ZNF385C: variants seen among roughly 807,000 people sequenced by gnomAD.
The protein encoded by ZNF385C is CTD-2132N18.2.
ZNF385C carries 28 observed loss-of-function variants against 35.4 expected under a neutral mutation model. The observed-to-expected ratio is 0.79, with a 90% confidence interval of 0.59 to 1.08. The LOEUF is 1.08. Ranked by LOEUF, ZNF385C falls within the 50% of genes least tolerant of loss-of-function variation. The pLI, the probability that ZNF385C is intolerant of heterozygous loss-of-function variation, is 0.00. For synonymous variants in ZNF385C, 248 were observed against 248.2 expected (o/e 1.00, Z 0.01); for missense variants, 605 against 595.6 (o/e 1.02, Z -0.16).
At chr17:42,075,614 C>G (rs1299914499) in intron 1 of ZNF385C, among the ~76,000 whole-genome samples, 1 of 151,842 alleles carries the variant, frequency 6.6e-6, no homozygotes, top group African/African-American at 2.4e-5. Context: ...CCTGCCTCAG[C>G]CTCCCCAGTA....
intron 2 of ZNF385C, chr17:42,043,316 G>A (rs1405898185): frequency 4.9e-6 from 6 of 1,232,082 alleles, no homozygotes; most frequent in Middle Eastern, 3.1e-4. Context: ...TTGAAGTAAC[G>A]CTTACACTTC....
chr17:42,090,758 T>C (rs543985657), intron 1 of ZNF385C, among the ~76,000 whole-genome samples: 2 of 152,242 alleles, frequency 1.3e-5, no homozygotes, highest in South Asian at 4.1e-4. Flanking sequence ...GGTGGGCACC[T>C]GTAGTCCCAG....
intron 1 of ZNF385C, among the ~76,000 whole-genome samples, chr17:42,091,401 G>A (rs1327633700): frequency 5.3e-5 from 8 of 151,888 alleles, no homozygotes; most frequent in African/African-American, 1.9e-4. Context: ...AGCTGTTATC[G>A]CACCACTGTA....
intron 3 of ZNF385C, among the ~76,000 whole-genome samples, chr17:42,035,015 C>T (rs1183808208): frequency 2.1e-5 from 3 of 143,682 alleles, no homozygotes; most frequent in African/African-American, 5.2e-5. Context: ...CTCAGCTACT[C>T]AGGAGGCTGA....
At chr17:42,043,424 G>A (rs2053075871) in intron 2 of ZNF385C, 1 of 1,227,284 alleles carries the variant, frequency 8.1e-7, no homozygotes, top group African/African-American at 1.6e-5. Context: ...GAATGCTCTT[G>A]CCCCCCTGCC....
At chr17:42,034,807 A>T (rs2052809196) in intron 3 of ZNF385C, among the ~76,000 whole-genome samples, 2 of 150,750 alleles carry the variant, frequency 1.3e-5, no homozygotes, top group South Asian at 4.2e-4. Context: ...AAGAAAAGAA[A>T]AAGAAAAAGA....
At chr17:42,053,175 A>G (rs1406121263) in intron 2 of ZNF385C, among the ~76,000 whole-genome samples, 4 of 152,098 alleles carry the variant, frequency 2.6e-5, no homozygotes, top group Non-Finnish European at 4.4e-5. Context: ...CCAAAGCCCA[A>G]TCACAACATA....
chr17:42,081,038 G>A (rs1555659676), intron 1 of ZNF385C, among the ~76,000 whole-genome samples: 1 of 152,250 alleles, frequency 6.6e-6, no homozygotes, highest in African/African-American at 2.4e-5. Context: ...GCACAGAGTA[G>A]GGGGTCGATA....
chr17:42,057,711 G>A (rs1010878791), intron 2 of ZNF385C, among the ~76,000 whole-genome samples: 6 of 152,114 alleles, frequency 3.9e-5, no homozygotes, highest in South Asian at 4.2e-4. Context: ...TTGGGAGGCC[G>A]ACCAGGTGGA....
chr17:42,050,604 T>A lies in ZNF385C; in HGVS notation c.250+12203A>T, dbSNP rs2053261984. The stretch of plus-strand genomic sequence containing the variant: ...TGGGCGGTGGACGCTCTGGCCGCGG[T>A]CTCCTTGGGCTCCACGGAGCGACAG... On this transcript the variant is annotated intron_variant, in intron 2 of 8. Transcript: ENST00000692273. The surrounding 1 kb of genome is among the most constrained non-coding windows in gnomAD (Gnocchi z 5.6). 6.6e-6 allele frequency: 1 copy of A among 151,640 alleles called. No homozygotes were observed. The highest frequency in any genetic ancestry group is 1.5e-5 in the Non-Finnish European group (1 of 67,874). 9.4% of individuals were successfully genotyped at this position (151,640 alleles called of 1,614,324 possible). A position where few individuals can be genotyped will look rare whatever the true frequency, so the allele number is the denominator to read the frequency against.
intron 2 of ZNF385C, among the ~76,000 whole-genome samples, chr17:42,049,721 C>G (rs1374746820): frequency 6.6e-6 from 1 of 152,234 alleles, no homozygotes; most frequent in Non-Finnish European, 1.5e-5. Flanking sequence ...AGCTGCCTAT[C>G]CTGCCCATTC....
intron 1 of ZNF385C, among the ~76,000 whole-genome samples, chr17:42,090,811 G>A (rs984733194): frequency 6.6e-6 from 1 of 152,068 alleles, no homozygotes; most frequent in Non-Finnish European, 1.5e-5. Context: ...GAACCCGGAA[G>A]GCGGAGCTTG....
chr17:42,069,093 C>T (rs1307447772), intron 1 of ZNF385C, among the ~76,000 whole-genome samples: 9 of 152,212 alleles, frequency 5.9e-5, no homozygotes, highest in African/African-American at 2.2e-4. Flanking sequence ...TTAAATCTCC[C>T]TCTGTTCCCT....
chr17:42,055,718 T>G (rs1156350997), intron 2 of ZNF385C, among the ~76,000 whole-genome samples: 1 of 152,136 alleles, frequency 6.6e-6, no homozygotes, highest in East Asian at 1.9e-4. Flanking sequence ...TTAATCCATC[T>G]GCAGGGAGTG....
chr17:42,058,507 G>C (rs2053414041), intron 2 of ZNF385C, among the ~76,000 whole-genome samples: 1 of 152,182 alleles, frequency 6.6e-6, no homozygotes, highest in Admixed American at 6.5e-5. Flanking sequence ...CCACCAGGGA[G>C]CTCCACCCTA....
At chr17:42,080,520 G>C (rs1408354360) in intron 1 of ZNF385C, among the ~76,000 whole-genome samples, 1 of 152,180 alleles carries the variant, frequency 6.6e-6, no homozygotes, top group East Asian at 1.9e-4. Context: ...CACAAGGATG[G>C]AGGCAGATTG....
intron 1 of ZNF385C, among the ~76,000 whole-genome samples, chr17:42,073,175 G>C (rs782818254): frequency 4.6e-5 from 7 of 152,168 alleles, no homozygotes; most frequent in Non-Finnish European, 1.0e-4. Context: ...GGTGGCTCAC[G>C]CCTGTAATCC....
intron 1 of ZNF385C, among the ~76,000 whole-genome samples, chr17:42,067,582 C>G (rs1157731225): frequency 6.6e-6 from 1 of 152,184 alleles, no homozygotes; most frequent in African/African-American, 2.4e-5. Context: ...AGCCACACCA[C>G]GGGTCCAGGG....
intron 1 of ZNF385C, among the ~76,000 whole-genome samples, chr17:42,068,775 G>A (rs1463984609): frequency 6.6e-6 from 1 of 152,218 alleles, no homozygotes; most frequent in Non-Finnish European, 1.5e-5. Flanking sequence ...ACCTATGCTT[G>A]TCTGACTCAA....
Sources: gnomAD v4.1 joint callset for allele counts (sites outside exome capture counted in the v4.1 genomes callset) on GRCh38, gnomAD v4.1.1 for gene constraint, Gnocchi (gnomAD v3.1) non-coding constraint, MANE v1.5 for transcripts, NCBI Gene and HGNC (gene_info 2026-07-23, HGNC 2026-07-21) for gene names.